The following SYVN1 variants were observed in gnomAD, a reference collection of about 807,000 sequenced individuals.
SYVN1 encodes the protein E3 ubiquitin-protein ligase synoviolin.
A neutral mutation model predicts 62.6 loss-of-function variants in SYVN1; 17 were observed. The ratio of observed to expected loss-of-function variants is 0.27; its 90% CI spans 0.19 to 0.41. The LOEUF (loss-of-function observed/expected upper bound fraction) is 0.41. Among genes scored for constraint, SYVN1 ranks in the 10% least tolerant of loss-of-function variants. The probability of loss-of-function intolerance (pLI) is 1.00; values close to 1 mark genes in which losing one functional copy is unlikely to be tolerated. For missense variants in SYVN1, 634 were observed against 818.0 expected, an observed-to-expected ratio of 0.78 and a Z score of 2.74; for synonymous variants, 316 against 304.0, an observed-to-expected ratio of 1.04 and a Z score of -0.41.
rs2137254404 is a variant in SYVN1 at position 65,133,539 on chromosome 11, G to A, written c.63C>T (p.His21=). The change falls in exon 2 of 16, where the codon CAC becomes CAT. Residue 21 remains histidine (H), a synonymous_variant. Coordinates refer to ENST00000377190, the MANE Select transcript of SYVN1 (RefSeq NM_172230.3). ...AGAACTGGTGTTTGAGGTAGTAGGCGTGAGCCACCACAGCCCCGGTCAGCG... is the reference window on the plus strand; with the variant it reads ...AGAACTGGTGTTTGAGGTAGTAGGCATGAGCCACCACAGCCCCGGTCAGCG... ...SLALTGAVVA[H]AYYLKHQFYP... 6.2e-7 allele frequency: 1 copy of A among 1,613,434 alleles called. No homozygotes were observed. Among genetic ancestry groups the A allele is most frequent in the Non-Finnish European group, 8.5e-7 (1 of 1,180,028 alleles).
At chr11:65,130,618 T>A in intron 11 of SYVN1, 42 bp downstream of exon 11, 1 of 1,474,150 alleles carries the variant, frequency 6.8e-7, no homozygotes, top group South Asian at 1.4e-5. Flanking sequence ...CCAGGGCAAG[T>A]ATCCAGTGGT....
chr11:65,132,196 A>T, intron 6 of SYVN1, 52 bp downstream of exon 6: 1 of 1,403,984 alleles, frequency 7.1e-7, no homozygotes, highest in Non-Finnish European at 1.0e-6. Flanking sequence ...TATTCAAGGC[A>T]CATGTGGGGT....
rs1485130543 is a variant in SYVN1, at chr11:65,128,210, C to T, written c.*172G>A. 1 of 620,970 alleles carries T rather than the reference C, an allele frequency of 1.6e-6. No homozygotes were observed. The highest frequency in any genetic ancestry group is 1.9e-5 in the South Asian group (1 of 51,602). The allele number at this position is 620,970 out of a possible 1,614,324, so 38.5% of individuals were successfully genotyped here. On this transcript the variant is annotated 3_prime_UTR_variant, in exon 16 of 16. Coordinates refer to ENST00000377190, the MANE Select transcript of SYVN1 (RefSeq NM_172230.3). ...CCCCATGGCTGCCTGGGACTGGAGT[C>T]AAATGGGAACCCCAGCCTCTTTCCA...
intron 1 of SYVN1, 82 bp from the exon 2 acceptor site, chr11:65,133,700 G>A: frequency 1.8e-6 from 2 of 1,103,140 alleles, no homozygotes; most frequent in Non-Finnish European, 2.6e-6. Context: ...CAATTCATAG[G>A]AGAAAGTGGG....
At position 65,130,036 on chromosome 11, in the gene SYVN1, A is replaced by G. The variant is rs761755458; in HGVS notation, c.1374T>C (p.Pro458=). 3 of 1,602,242 alleles carry G rather than the reference A, an allele frequency of 1.9e-6. No individual in the cohort carries two copies. In the South Asian group the frequency reaches 3.3e-5, roughly 18 times the overall value. ...GAGGCAGGGGCATACCCATCCAGGG[A>G]GGAGGGAAGGGGAAACCAGGGGCAG... The part of the protein sequence containing the change: ...AGPAPGFPFP[P]PWMGMPLPPP... Residue 458 remains proline (P), a synonymous_variant, in exon 13 of 16, where the codon CCT becomes CCC. Transcript: ENST00000377190.
rs750252371 is a variant in SYVN1, at chr11:65,128,572, T to G, written c.1738A>C (p.Arg580=). The stretch of plus-strand genomic sequence containing the variant: ...GGCCAATCACACCTACCTGGAGGCC[T>G]TTCCATTTCAGGGGCTGGTGGGGAG... The part of the protein sequence containing the change: ...GASPPAPEME[R]PPAPESVGTE... The change falls in exon 15 of 16, where the codon AGG becomes CGG. Residue 580 remains arginine, a synonymous_variant. Coordinates refer to ENST00000377190, the MANE Select transcript of SYVN1 (RefSeq NM_172230.3). The G allele has an allele frequency of 7.4e-6, 12 of 1,613,914 alleles. No homozygotes were observed. The highest frequency in any genetic ancestry group is 1.0e-5 in the Non-Finnish European group (12 of 1,179,988).
Position 65,130,040 on chromosome 11 carries a change from G to T in SYVN1, c.1370C>A (p.Pro457His). ...EAGPAPGFPF[P>H]PPWMGMPLPP... ...CAGGGGCATACCCATCCAGGGAGGA[G>T]GGAAGGGGAAACCAGGGGCAGGGCC... Residue 457 changes from proline to histidine, a missense_variant, in exon 13 of 16, where the codon CCT becomes CAT. Coordinates refer to ENST00000377190, the MANE Select transcript of SYVN1 (RefSeq NM_172230.3). 6.2e-7 allele frequency: 1 copy of T among 1,603,574 alleles called. No individual in the cohort carries two copies. The highest frequency in any genetic ancestry group is 8.5e-7 in the Non-Finnish European group (1 of 1,174,060).
Position 65,131,469 on chromosome 11 carries a change from C to T in SYVN1, c.658+1G>A. 6.2e-7 allele frequency: 1 copy of T among 1,614,098 alleles called. No homozygotes were observed. Among genetic ancestry groups the T allele is most frequent in the Non-Finnish European group, 8.5e-7 (1 of 1,180,004 alleles). On this transcript the variant is annotated splice_donor_variant, in intron 7 of 15. Coordinates refer to ENST00000377190, the MANE Select transcript of SYVN1 (RefSeq NM_172230.3). LOFTEE classifies it high-confidence loss of function. ...TCAGGAGAGGCCCAGGCCCCTCTCA[C>T]CTGTAAACAGCTCTGTGTAGAGCAT...
chr11:65,127,938 G>A lies in SYVN1; in HGVS notation c.*444C>T, dbSNP rs777436993. ...AAATGGGTACCAGTCTTAGGGGTGG[G>A]CCAGCGAGCAAGTTCATAGCTTGCC... On this transcript the variant is annotated 3_prime_UTR_variant, in exon 16 of 16. Coordinates refer to ENST00000377190, the MANE Select transcript of SYVN1 (RefSeq NM_172230.3). 7 of 190,212 alleles carry A rather than the reference G, an allele frequency of 3.7e-5. No homozygotes were observed. Among genetic ancestry groups the A allele is most frequent in the Non-Finnish European group, 1.1e-5 (1 of 91,748 alleles). The allele number at this position is 190,212 out of a possible 1,614,324, so 11.8% of individuals were successfully genotyped here.
intron 14 of SYVN1, chr11:65,129,299 G>A (rs963132359): frequency 1.0e-4 from 18 of 178,868 alleles, no homozygotes; most frequent in Admixed American, 3.3e-4. Flanking sequence ...ATAATGAGAG[G>A]TCAAAAATGA....
At position 65,130,938 on chromosome 11, in the gene SYVN1, T is replaced by G. The variant is rs1365768187; in HGVS notation, c.923A>C (p.Asn308Thr). Residue 308 changes from asparagine (N) to threonine (T), a missense_variant, in exon 10 of 16, where the codon AAC (asparagine) becomes ACC (threonine). Asn to Thr is a moderately conservative substitution (Grantham distance 65). Coordinates refer to ENST00000377190, the MANE Select transcript of SYVN1 (RefSeq NM_172230.3). Reference protein sequence around the residue: ...MVTGAKRLPCNHIFHTSCLRS... With the variant: ...MVTGAKRLPCTHIFHTSCLRS... ...CTCCCACCTGGTATGGAAAATGTGG[T>G]TGCAGGGCAGTCTCTTGGCACCAGT... The G allele has an allele frequency of 9.9e-6, 16 of 1,613,810 alleles. No homozygotes were observed. The highest frequency in any genetic ancestry group is 1.4e-5 in the Non-Finnish European group (16 of 1,180,008).
rs1416159072 is a variant in SYVN1, at chr11:65,128,709, G to T, written c.1601C>A (p.Pro534His). The change falls in exon 15 of 16, where the codon CCC (proline) becomes CAC (histidine). Residue 534 changes from proline to histidine, a missense_variant. By Grantham distance (77) the Pro-to-His change is moderately conservative (BLOSUM62 -2). Coordinates refer to ENST00000377190, the MANE Select transcript of SYVN1 (RefSeq NM_172230.3). ...GGAGTTGACTGAAGTGGCAGGCCGG[G>T]GGGGCCTGGGAAGAGAAGGGACGAG... ...YLTVLASLGP[P>H]RPATSVNSTE... 2 of 1,606,940 alleles carry T rather than the reference G, an allele frequency of 1.2e-6. No homozygotes were observed. The highest frequency in any genetic ancestry group is 2.2e-5 in the South Asian group (2 of 90,536).
rs762123021 is a variant in SYVN1, at chr11:65,129,784, G to T, written c.1540C>A (p.Leu514Met). The part of the protein sequence containing the change: ...LQSLRNIHTL[L>M]DAAMLQINQY... ...TTGATCTGCAGCATGGCGGCGTCCA[G>T]CAGTGTGTGGATGTTACGCAGGCTC... Residue 514 changes from leucine (L) to methionine (M), a missense_variant, in exon 14 of 16, where the codon CTG (leucine) becomes ATG (methionine). Around this residue, in one of 2 missense-constraint regions of SYVN1, gnomAD observed 351 missense variants for 373.3 expected, o/e 0.94. Coordinates refer to ENST00000377190, the MANE Select transcript of SYVN1 (RefSeq NM_172230.3). The T allele has an allele frequency of 6.2e-7, 1 of 1,614,152 alleles. No homozygotes were observed. Among genetic ancestry groups the T allele is most frequent in the East Asian group, 2.2e-5 (1 of 44,902 alleles).
intron 12 of SYVN1, 33 bp downstream of exon 12, chr11:65,130,218 G>GC: frequency 1.9e-6 from 3 of 1,608,992 alleles, no homozygotes; most frequent in Non-Finnish European, 2.5e-6. Context: ...CATCCCTGCC[G>GC]CCCCCTGGCT....
chr11:65,131,104 G>A lies in SYVN1; in HGVS notation c.824+28C>T, dbSNP rs373468144. 7 of 1,614,100 alleles carry A rather than the reference G, an allele frequency of 4.3e-6. No homozygotes were observed. The South Asian group carries it at 4.4e-5, about 10-fold the overall frequency. The stretch of plus-strand genomic sequence containing the variant: ...GCAGAGGGACCCAGGACCGAGCTTG[G>A]GACAGCAGCCATGACAAGCCTACTT... On this transcript the variant is annotated intron_variant, in intron 9 of 15. Coordinates refer to ENST00000377190, the MANE Select transcript of SYVN1 (RefSeq NM_172230.3).
chr11:65,132,620 A>G, intron 5 of SYVN1, 112 bp downstream of exon 5: 3 of 1,293,134 alleles, frequency 2.3e-6, no homozygotes, highest in Non-Finnish European at 3.4e-6. Flanking sequence ...TATGCAAATT[A>G]ACTTCCTAAA....
Position 65,131,209 on chromosome 11 carries a change from G to A in SYVN1, c.759-12C>T. Reference sequence around the variant, plus strand: ...CTTTCTTGAACTGTCTGAAAGGACAGTCAGTGAAAGCAGGAGAAGGGACGG... The same window carrying A: ...CTTTCTTGAACTGTCTGAAAGGACAATCAGTGAAAGCAGGAGAAGGGACGG... On this transcript the variant is annotated splice_polypyrimidine_tract_variant and intron_variant, in intron 8 of 15. Coordinates refer to ENST00000377190, the MANE Select transcript of SYVN1 (RefSeq NM_172230.3). The A allele has an allele frequency of 6.2e-7, 1 of 1,614,166 alleles. No individual in the cohort carries two copies.
intron 1 of SYVN1, among the ~76,000 whole-genome samples, chr11:65,134,010 C>T (rs1590829469): frequency 1.3e-5 from 2 of 152,222 alleles, no homozygotes; most frequent in Non-Finnish European, 1.5e-5. Context: ...AATGCGCAGC[C>T]AGGGCTGAGA....
Position 65,129,740 on chromosome 11 carries a change from C to G in SYVN1, c.1584G>C (p.Leu528=). Residue 528 remains leucine, a synonymous_variant, in exon 14 of 16, where the codon CTG becomes CTC. Coordinates refer to ENST00000377190, the MANE Select transcript of SYVN1 (RefSeq NM_172230.3). Reference sequence around the variant, plus strand: ...CTGTACAGACACACCCCAAGGAGGCCAGCACGGTGAGGTACTGGTTGATCT... The same window carrying G: ...CTGTACAGACACACCCCAAGGAGGCGAGCACGGTGAGGTACTGGTTGATCT... ...MLQINQYLTV[L]ASLGPPRPAT... is the part of the protein sequence containing the mutation. The G allele has an allele frequency of 6.2e-7, 1 of 1,614,196 alleles. No homozygotes were observed. Among genetic ancestry groups the G allele is most frequent in the Non-Finnish European group, 8.5e-7 (1 of 1,180,014 alleles).
Sources: allele counts gnomAD v4.1 joint callset (sites outside exome capture counted in the v4.1 genomes callset), GRCh38; gene constraint gnomAD v4.1.1; regional missense constraint gnomAD v4.1.1; transcripts MANE v1.5; gene names NCBI Gene and HGNC (gene_info 2026-07-23, HGNC 2026-07-21).